SPRR2F: variants seen among roughly 807,000 people sequenced by gnomAD.
SPRR2F encodes small proline-rich protein 2F.
Under a neutral mutation model 0.8 loss-of-function variants are expected in SPRR2F, and 2 were observed. The ratio of observed to expected loss-of-function variants is 2.52; its 90% CI spans 1.03 to 7.95. The LOEUF is 7.95. SPRR2F is among the 30% of genes most tolerant of loss of function. SPRR2F has a pLI of 0.04. For synonymous variants in SPRR2F, 39 were observed against 33.4 expected, an observed-to-expected ratio of 1.17 and a Z score of -0.58; for missense variants, 80 against 85.8, an observed-to-expected ratio of 0.93 and a Z score of 0.27.
upstream of SPRR2F, among the ~76,000 whole-genome samples, chr1:153,113,889 A>ATTG (rs1655658812): frequency 6.7e-6 from 1 of 149,252 alleles, no homozygotes; most frequent in Non-Finnish European, 1.5e-5. Context: ...TGAATGCCAT[A>ATTG]TTGTTGTACA....
chr1:153,112,721 G>T lies in SPRR2F; in HGVS notation c.13C>A (p.Gln5Lys). 6.2e-7 allele frequency: 1 copy of T among 1,611,938 alleles called. No homozygotes were observed. Among genetic ancestry groups the T allele is most frequent in the Non-Finnish European group, 8.5e-7 (1 of 1,179,846 alleles). ...TGGCAGGGCTGCTTGCACTGCTGCTGTTGATAAGACATCCTGCTGGAGTCT... is the reference window on the plus strand; with the variant it reads ...TGGCAGGGCTGCTTGCACTGCTGCTTTTGATAAGACATCCTGCTGGAGTCT... MSYQ[Q>K]QQCKQPCQPP... Residue 5 changes from glutamine to lysine, a missense_variant, in exon 2 of 2, where the codon CAG becomes AAG. Gln to Lys is a moderately conservative substitution (Grantham distance 53). Coordinates refer to ENST00000468739, the MANE Select transcript of SPRR2F (RefSeq NM_001014450.3).
upstream of SPRR2F, among the ~76,000 whole-genome samples, chr1:153,115,271 G>C (rs1452928882): frequency 6.6e-6 from 1 of 152,140 alleles, no homozygotes; most frequent in Non-Finnish European, 1.5e-5. Context: ...ACAAAGTAAA[G>C]GGCCTTTATT....
At chr1:153,113,906 C>T (rs1348026689), upstream of SPRR2F, among the ~76,000 whole-genome samples, 2 of 151,850 alleles carry the variant, frequency 1.3e-5, no homozygotes, top group African/African-American at 4.8e-5. Flanking sequence ...TACATGAACC[C>T]ATCTCCACCT....
upstream of SPRR2F, among the ~76,000 whole-genome samples, chr1:153,115,631 TC>T (rs986312161): frequency 1.4e-4 from 21 of 152,014 alleles, no homozygotes; most frequent in African/African-American, 5.1e-4. Flanking sequence ...AGTCACAGCT[TC>T]CCCAAGTTAG....
chr1:153,113,257 T>C (rs1386795586), intron 1 of SPRR2F, among the ~76,000 whole-genome samples: 2 of 152,176 alleles, frequency 1.3e-5, no homozygotes, highest in Non-Finnish European at 2.9e-5. Flanking sequence ...AAATCAAAGC[T>C]TTCCCCTTAA....
chr1:153,114,811 C>G (rs767471962), upstream of SPRR2F, among the ~76,000 whole-genome samples: 1 of 152,132 alleles, frequency 6.6e-6, no homozygotes, highest in East Asian at 1.9e-4. Context: ...ATAGTGACTC[C>G]TCTTTCATAT....
chr1:153,117,920 A>T (rs2101633686), upstream of SPRR2F, among the ~76,000 whole-genome samples: 1 of 152,216 alleles, frequency 6.6e-6, no homozygotes, highest in Middle Eastern at 3.4e-3. Flanking sequence ...AACATAGAAG[A>T]GGGCTGACAG....
upstream of SPRR2F, among the ~76,000 whole-genome samples, chr1:153,114,490 A>T (rs925753210): frequency 6.6e-6 from 1 of 152,122 alleles, no homozygotes; most frequent in Non-Finnish European, 1.5e-5. Flanking sequence ...ATCTGCATAG[A>T]CTCACATTAT....
chr1:153,115,087 C>T (rs114831055), upstream of SPRR2F, among the ~76,000 whole-genome samples: 1,843 of 152,192 alleles, frequency 0.012, 27 homozygotes, highest in African/African-American at 0.032. Flanking sequence ...GGTTAGGTTC[C>T]CAGAGCTGCC....
chr1:153,113,579 T>A (rs1464537520), upstream of SPRR2F: 1 of 152,212 alleles, frequency 6.6e-6, no homozygotes, highest in African/African-American at 2.4e-5. Flanking sequence ...AAAGTGTAAC[T>A]GCCAAAAGCT....
chr1:153,112,167 T>C lies in SPRR2F; in HGVS notation c.*348A>G. On this transcript the variant is annotated 3_prime_UTR_variant, in exon 2 of 2. Coordinates refer to ENST00000468739, the MANE Select transcript of SPRR2F (RefSeq NM_001014450.3). The stretch of plus-strand genomic sequence containing the variant: ...CAGGGAGTGAAAGGAAAGTGACAAC[T>C]GCACAGGTGGTGGAAGCTCATGCCC... 1 of 376,124 alleles carries C rather than the reference T, an allele frequency of 2.7e-6. No individual in the cohort carries two copies. The highest frequency in any genetic ancestry group is 4.8e-6 in the Non-Finnish European group (1 of 210,362). 23.3% of individuals were successfully genotyped at this position (376,124 alleles called of 1,614,324 possible).
chr1:153,113,230 G>C (rs1202965828), intron 1 of SPRR2F, among the ~76,000 whole-genome samples: 3 of 152,142 alleles, frequency 2.0e-5, no homozygotes, highest in South Asian at 2.1e-4. Flanking sequence ...AAAATACTTT[G>C]TTATTTTTTC....
At chr1:153,112,827 A>G (rs773946772) in intron 1 of SPRR2F, 75 bp from the exon 2 acceptor site, 11 of 1,583,322 alleles carry the variant, frequency 6.9e-6, no homozygotes, top group Non-Finnish European at 8.6e-6. Context: ...ATGTAATACC[A>G]TGGCATATTA....
rs1010038234 is a variant in SPRR2F at position 153,112,187 on chromosome 1, A to G, written c.*328T>C. On this transcript the variant is annotated 3_prime_UTR_variant, in exon 2 of 2. Transcript: ENST00000468739. ...ACAACTGCACAGGTGGTGGAAGCTC[A>G]TGCCCAGGGGACAGACAGACACAGA... 2.5e-6 allele frequency: 1 copy of G among 407,124 alleles called. No individual in the cohort carries two copies. Among genetic ancestry groups the G allele is most frequent in the Non-Finnish European group, 4.3e-6 (1 of 230,912 alleles). 25.2% of individuals were successfully genotyped at this position (407,124 alleles called of 1,614,324 possible). A position where few individuals can be genotyped will look rare whatever the true frequency, so the allele number is the denominator to read the frequency against.
rs2101631229 is a variant in SPRR2F at position 153,112,738 on chromosome 1, C to T, written c.-5G>A. 1 of 1,611,540 alleles carries T rather than the reference C, an allele frequency of 6.2e-7. No homozygotes were observed. The highest frequency in any genetic ancestry group is 2.2e-5 in the East Asian group (1 of 44,878). ...CTGCTGCTGTTGATAAGACATCCTG[C>T]TGGAGTCTCAGAATCTGAAAGAAAT... is the stretch of plus-strand genomic sequence containing the variant. On this transcript the variant is annotated 5_prime_UTR_variant, in exon 2 of 2. Transcript: ENST00000468739.
In SPRR2F at chr1:153,112,620, T is replaced by C. The variant is rs147828936; in HGVS notation, c.114A>G (p.Pro38=). The change falls in exon 2 of 2, where the codon CCA becomes CCG. Residue 38 remains proline (P), a synonymous_variant. Coordinates refer to ENST00000468739, the MANE Select transcript of SPRR2F (RefSeq NM_001014450.3). Reference sequence around the variant, plus strand: ...GTGGGCAGGACTGTGGACACTTTGATGGTGGGCAGGGCTCAGGGCACTTCG... The same window carrying C: ...GTGGGCAGGACTGTGGACACTTTGACGGTGGGCAGGGCTCAGGGCACTTCG... The part of the protein sequence containing the change: ...PPPKCPEPCP[P]SKCPQSCPPQ... 6.2e-7 allele frequency: 1 copy of C among 1,612,716 alleles called. No individual in the cohort carries two copies. The highest frequency in any genetic ancestry group is 2.2e-5 in the East Asian group (1 of 44,874).
upstream of SPRR2F, among the ~76,000 whole-genome samples, chr1:153,117,243 G>A (rs1655737544): frequency 6.6e-6 from 1 of 151,964 alleles, no homozygotes; most frequent in African/African-American, 2.4e-5. Context: ...TGGTGAAAAT[G>A]GGAGTTAATC....
upstream of SPRR2F, among the ~76,000 whole-genome samples, chr1:153,117,735 T>A (rs1655745115): frequency 6.6e-6 from 1 of 152,074 alleles, no homozygotes; most frequent in Non-Finnish European, 1.5e-5. Flanking sequence ...ATTAAAAACA[T>A]GGGCTAAGAA....
chr1:153,112,692 T>C lies in SPRR2F; in HGVS notation c.42A>G (p.Pro14=). ...QQQQCKQPCQ[P]PPVCPAPKCP... ...ACTTTGGCGCGGGGCACACAGGAGG[T>C]GGCTGGCAGGGCTGCTTGCACTGCT... is the stretch of plus-strand genomic sequence containing the variant. Residue 14 remains proline, a synonymous_variant, in exon 2 of 2, where the codon CCA becomes CCG. Coordinates refer to ENST00000468739, the MANE Select transcript of SPRR2F (RefSeq NM_001014450.3). 1 of 1,612,108 alleles carries C rather than the reference T, an allele frequency of 6.2e-7. No individual in the cohort carries two copies. Among genetic ancestry groups the C allele is most frequent in the Non-Finnish European group, 8.5e-7 (1 of 1,179,796 alleles).
Sources: allele counts gnomAD v4.1 joint callset (sites outside exome capture counted in the v4.1 genomes callset), GRCh38; gene constraint gnomAD v4.1.1; transcripts MANE v1.5; gene names NCBI Gene and HGNC (gene_info 2026-07-23, HGNC 2026-07-21).